Variants in CPQ observed in about 807,000 individuals in gnomAD.
CPQ encodes carboxypeptidase Q, also known as Ser-Met dipeptidase.
Under a neutral mutation model 45.7 loss-of-function variants are expected in CPQ, and 37 were observed. That is an observed-to-expected ratio of 0.81 (90% CI 0.62 to 1.07). The LOEUF (loss-of-function observed/expected upper bound fraction) is 1.07, where lower values mean the gene tolerates loss of function less well. Ranked by LOEUF, CPQ falls within the 50% of genes least tolerant of loss-of-function variation. The pLI is 0.00. For synonymous variants in CPQ, 186 were observed against 205.8 expected, an observed-to-expected ratio of 0.90 and a Z score of 0.82; for missense variants, 537 against 572.9, an observed-to-expected ratio of 0.94 and a Z score of 0.64.
At chr8:96,829,419 GA>G (rs1317309788) in intron 2 of CPQ, among the ~76,000 whole-genome samples, 1 of 152,080 alleles carries the variant, frequency 6.6e-6, no homozygotes, top group East Asian at 1.9e-4. Flanking sequence ...TTTTTTCCCT[GA>G]AAATTTATTC....
intron 4 of CPQ, among the ~76,000 whole-genome samples, chr8:96,949,965 A>T (rs1813237090): frequency 6.6e-6 from 1 of 152,080 alleles, no homozygotes; most frequent in Non-Finnish European, 1.5e-5. Flanking sequence ...TTCATCTTTA[A>T]TTATCACGTT....
chr8:97,142,248 G>C (rs925750034), intron 7 of CPQ, among the ~76,000 whole-genome samples: 1 of 152,174 alleles, frequency 6.6e-6, no homozygotes, highest in East Asian at 1.9e-4. Context: ...CTAAAGAACT[G>C]AAACTAGAAT....
intron 1 of CPQ, among the ~76,000 whole-genome samples, chr8:96,770,494 A>G (rs1039587027): frequency 6.6e-6 from 1 of 152,098 alleles, no homozygotes; most frequent in African/African-American, 2.4e-5. Context: ...TAGCAGAGAC[A>G]TTTGAAATGA....
At chr8:96,659,029 G>A (rs1435855003) in intron 1 of CPQ, among the ~76,000 whole-genome samples, 1 of 152,186 alleles carries the variant, frequency 6.6e-6, no homozygotes, top group Non-Finnish European at 1.5e-5. Flanking sequence ...CGCCATATGG[G>A]GTTGTTGTAA....
At chr8:96,848,487 C>T (rs1272752939) in intron 3 of CPQ, among the ~76,000 whole-genome samples, 4 of 152,164 alleles carry the variant, frequency 2.6e-5, no homozygotes, top group African/African-American at 9.6e-5. Flanking sequence ...ACTTTGTCTG[C>T]ATTTTTTATT....
intron 6 of CPQ, among the ~76,000 whole-genome samples, chr8:97,041,424 C>T (rs1480438033): frequency 6.6e-6 from 1 of 152,174 alleles, no homozygotes; most frequent in Non-Finnish European, 1.5e-5. Context: ...ATCATATCAC[C>T]TGCAAACAGG....
intron 6 of CPQ, among the ~76,000 whole-genome samples, chr8:97,037,056 G>A (rs1341012271): frequency 6.6e-6 from 1 of 152,130 alleles, no homozygotes; most frequent in Non-Finnish European, 1.5e-5. Flanking sequence ...TGAATATTTT[G>A]TCACAATTTC....
intron 4 of CPQ, among the ~76,000 whole-genome samples, chr8:96,923,587 A>T (rs1356472810): frequency 6.6e-6 from 1 of 152,098 alleles, no homozygotes; most frequent in African/African-American, 2.4e-5. Flanking sequence ...CCACCTATCT[A>T]TTCATCCAAT....
chr8:96,765,166 C>G (rs1347509538), intron 1 of CPQ, among the ~76,000 whole-genome samples: 1 of 152,174 alleles, frequency 6.6e-6, no homozygotes, highest in Non-Finnish European at 1.5e-5. Flanking sequence ...ATAGCCCAGG[C>G]AGAGCCATTC....
At chr8:96,900,551 C>A (rs2130896610) in intron 4 of CPQ, among the ~76,000 whole-genome samples, 1 of 152,242 alleles carries the variant, frequency 6.6e-6, no homozygotes, top group East Asian at 1.9e-4. Flanking sequence ...AGTCACTAGT[C>A]AGTATTTCTA....
intron 5 of CPQ, among the ~76,000 whole-genome samples, chr8:97,019,219 G>A (rs1193116353): frequency 1.3e-5 from 2 of 152,210 alleles, no homozygotes; most frequent in South Asian, 2.1e-4. Context: ...TACAAGAACC[G>A]CTAAAAGGAG....
chr8:97,101,947 C>CTCT (rs1811317116), intron 7 of CPQ, among the ~76,000 whole-genome samples: 1 of 129,574 alleles, frequency 7.7e-6, no homozygotes, highest in African/African-American at 3.2e-5. Context: ...TCTCTCCCTC[C>CTCT]CTCCCTCTCT....
chr8:96,660,675 C>T (rs973491545), intron 1 of CPQ, among the ~76,000 whole-genome samples: 1 of 150,990 alleles, frequency 6.6e-6, no homozygotes, highest in Admixed American at 6.6e-5. Context: ...TTATACTTCT[C>T]CCTAGTGCTT....
intron 1 of CPQ, among the ~76,000 whole-genome samples, chr8:96,664,601 GGCATTATGTACCCTGGA>G (rs1468855774): frequency 6.6e-6 from 1 of 152,142 alleles, no homozygotes; most frequent in Non-Finnish European, 1.5e-5. Flanking sequence ...TGTAGATGAT[GGCATTATGTACCCTGGA>G]GCAAACACAG....
At chr8:96,735,579 C>T (rs561859726) in intron 1 of CPQ, among the ~76,000 whole-genome samples, 3 of 152,308 alleles carry the variant, frequency 2.0e-5, no homozygotes, top group African/African-American at 7.2e-5. Context: ...ACTGTGTCCC[C>T]AAACAAAAGC....
At chr8:96,880,556 T>C (rs1451007393) in intron 4 of CPQ, among the ~76,000 whole-genome samples, 1 of 40,500 alleles carries the variant, frequency 2.5e-5, no homozygotes, top group African/African-American at 9.1e-5. Context: ...TATATATATA[T>C]ATATATATAT....
At chr8:96,949,685 GCTT>G (rs1215681897) in intron 4 of CPQ, among the ~76,000 whole-genome samples, 2 of 152,098 alleles carry the variant, frequency 1.3e-5, no homozygotes, top group South Asian at 4.1e-4. Context: ...TTTGTTTTTA[GCTT>G]CTTCTTATTA....
chr8:96,713,686 T>A (rs190264220), intron 1 of CPQ, among the ~76,000 whole-genome samples: 13 of 152,300 alleles, frequency 8.5e-5, no homozygotes, highest in Non-Finnish European at 1.5e-4. Flanking sequence ...TTATGGGAAC[T>A]ACAACTCAAG....
chr8:96,784,697 TCTTTA>T (rs1359579566), intron 1 of CPQ, among the ~76,000 whole-genome samples, 162 bp from the exon 2 acceptor site: 1 of 152,154 alleles, frequency 6.6e-6, no homozygotes, highest in African/African-American at 2.4e-5. Flanking sequence ...AATCGTTGCC[TCTTTA>T]CTTGTTCATT....
Sources: allele counts gnomAD v4.1 joint callset (sites outside exome capture counted in the v4.1 genomes callset), GRCh38; gene constraint gnomAD v4.1.1; transcripts MANE v1.5; gene names NCBI Gene and HGNC (gene_info 2026-07-23, HGNC 2026-07-21).